The following TMC1 variants were observed in gnomAD, a reference collection of about 807,000 sequenced individuals.
TMC1 encodes transmembrane channel-like protein 1.
TMC1 carries 84 observed loss-of-function variants against 105.8 expected under a neutral mutation model. The observed-to-expected ratio is 0.79, with a 90% CI of 0.67 to 0.95. The LOEUF is 0.95. Among genes scored for constraint, TMC1 ranks in the 40% least tolerant of loss-of-function variants. TMC1 has a pLI of 0.00. For synonymous variants in TMC1, 315 were observed against 311.5 expected, an observed-to-expected ratio of 1.01 and a Z score of -0.12; for missense variants, 817 against 914.1, an observed-to-expected ratio of 0.89 and a Z score of 1.37.
chr9:72,598,858 C>T (rs1207777776), intron 2 of TMC1, among the ~76,000 whole-genome samples: 7 of 151,128 alleles, frequency 4.6e-5, no homozygotes, highest in Admixed American at 2.0e-4. Flanking sequence ...ATGTCAGAAC[C>T]GTCTGTTTCC....
intron 5 of TMC1, among the ~76,000 whole-genome samples, chr9:72,656,503 T>C (rs1825887069): frequency 6.6e-6 from 1 of 152,202 alleles, no homozygotes; most frequent in Admixed American, 6.5e-5. Context: ...TTAATCTTTC[T>C]CATTGTCTTA....
rs977856925 is a variant in TMC1, at chr9:72,739,114, G to A, written c.363-1005G>A. On this transcript the variant is annotated intron_variant, in intron 8 of 23. Transcript: ENST00000297784. ...GCCATTTATTTCTCACAGTGCTAGA[G>A]GCTGAAAGTCTAAAATCGAAGTGCC... 4.6e-5 allele frequency among the ~76,000 whole-genome samples: 7 copies of A among 152,348 alleles called. No individual in the cohort carries two copies. The East Asian group carries it at 1.4e-3, about 29-fold the overall frequency.
Position 72,570,230 on chromosome 9 carries a change from AGTGTGTGTGTGT to A in TMC1, c.-427-7648_-427-7637del, listed in dbSNP as rs3223165. Among the ~76,000 whole-genome samples the A allele has an allele frequency of 5.5e-3, 801 of 145,710 alleles. 8 individuals carry two copies. The highest frequency in any genetic ancestry group is 0.021 in the East Asian group (101 of 4,910). ...TGAAAGGGGGTGGGGCTCAAAGAGT[AGTGTGTGTGTGT>A]GTGTGTGTGTGTGTGTGTGTGTGGT... On this transcript the variant is annotated intron_variant, in intron 1 of 23. Transcript: ENST00000297784.
intron 5 of TMC1, among the ~76,000 whole-genome samples, chr9:72,654,047 C>T (rs1383659160): frequency 6.6e-6 from 1 of 152,074 alleles, no homozygotes; most frequent in Non-Finnish European, 1.5e-5. Context: ...AATGGACATT[C>T]CAGTTGTTTT....
chr9:72,555,202 T>G (rs1823910173), intron 1 of TMC1, among the ~76,000 whole-genome samples: 1 of 150,618 alleles, frequency 6.6e-6, no homozygotes, highest in Non-Finnish European at 1.5e-5. Context: ...TGTTTTTTTT[T>G]TTTTTTTTTT....
intron 2 of TMC1, among the ~76,000 whole-genome samples, chr9:72,606,432 T>C (rs2132115844): frequency 6.6e-6 from 1 of 152,294 alleles, no homozygotes; most frequent in Admixed American, 6.5e-5. Context: ...ACACTAACCC[T>C]GGTAAAACAT....
chr9:72,584,784 C>CTTTTTTTTTTTTTTTTTTT lies in TMC1; in HGVS notation c.-306+6779_-306+6780insTTTTTTTTTTTTTTTTTTT, dbSNP rs71357591. On this transcript the variant is annotated intron_variant, in intron 2 of 23. Coordinates refer to ENST00000297784, the MANE Select transcript of TMC1 (RefSeq NM_138691.3). Reference sequence around the variant, plus strand: ...GTAGTTCTCCTTTTTCTTTTCTTTTCTTTTTTTTTTTTTTTTTTGAGACAG... The same window carrying CTTTTTTTTTTTTTTTTTTT: ...GTAGTTCTCCTTTTTCTTTTCTTTTCTTTTTTTTTTTTTTTTTTTTTTTTTTTTTTTTTTTTTGAGACAG... 8.0e-5 allele frequency among the ~76,000 whole-genome samples: 9 copies of CTTTTTTTTTTTTTTTTTTT among 113,012 alleles called. 1 individual carries two copies. Among genetic ancestry groups the CTTTTTTTTTTTTTTTTTTT allele is most frequent in the African/African-American group, 1.4e-4 (4 of 28,386 alleles). 74.1% of individuals were successfully genotyped at this position (113,012 alleles called of 152,430 possible). A position where few individuals can be genotyped will look rare whatever the true frequency, so the allele number is the denominator to read the frequency against.
At chr9:72,687,487 A>G (rs745883655) in intron 5 of TMC1, among the ~76,000 whole-genome samples, 2 of 152,186 alleles carry the variant, frequency 1.3e-5, no homozygotes, top group Non-Finnish European at 2.9e-5. Context: ...TGTCCTGTGT[A>G]GTTTCAGTTG....
intron 4 of TMC1, among the ~76,000 whole-genome samples, chr9:72,634,527 T>C (rs1307019619): frequency 6.6e-6 from 1 of 152,198 alleles, no homozygotes; most frequent in Admixed American, 6.5e-5. Context: ...AAGGAGGGCA[T>C]TAGTTTCAGG....
intron 13 of TMC1, among the ~76,000 whole-genome samples, chr9:72,773,195 C>A (rs1827956863): frequency 6.6e-6 from 1 of 152,088 alleles, no homozygotes; most frequent in African/African-American, 2.4e-5. Context: ...ACTGCAGAAG[C>A]CTAGCAGAGT....
chr9:72,670,253 A>G (rs1168568775), intron 5 of TMC1, among the ~76,000 whole-genome samples: 2 of 152,172 alleles, frequency 1.3e-5, no homozygotes, highest in Admixed American at 1.3e-4. Flanking sequence ...TCCTCTTTCC[A>G]CCAGAAAGAG....
intron 8 of TMC1, among the ~76,000 whole-genome samples, chr9:72,723,521 G>A (rs376419968): frequency 7.9e-5 from 12 of 152,086 alleles, no homozygotes; most frequent in East Asian, 1.9e-4. Flanking sequence ...AACAATGTCC[G>A]TGACAGTTTT....
At chr9:72,568,459 G>A (rs988055367) in intron 1 of TMC1, among the ~76,000 whole-genome samples, 3 of 152,092 alleles carry the variant, frequency 2.0e-5, no homozygotes, top group Admixed American at 6.6e-5. Context: ...TTCTGTTAAC[G>A]TTACATTTAT....
At chr9:72,737,068 C>T (rs550301722) in intron 8 of TMC1, among the ~76,000 whole-genome samples, 1 of 152,136 alleles carries the variant, frequency 6.6e-6, no homozygotes, top group Non-Finnish European at 1.5e-5. Flanking sequence ...GGAGGAGAGT[C>T]GTTGTTGTCC....
chr9:72,757,744 G>GA (rs1373923273), intron 12 of TMC1, among the ~76,000 whole-genome samples: 1 of 152,156 alleles, frequency 6.6e-6, no homozygotes, highest in Middle Eastern at 3.2e-3. Context: ...ATCGGTGCTC[G>GA]AAACATTTCA....
chr9:72,804,476 G>A (rs1035611457), intron 17 of TMC1, among the ~76,000 whole-genome samples: 1 of 152,184 alleles, frequency 6.6e-6, no homozygotes, highest in Admixed American at 6.5e-5. Flanking sequence ...ATAGCATTTT[G>A]TTTTAGGGGC....
intron 19 of TMC1, among the ~76,000 whole-genome samples, chr9:72,817,576 G>A (rs1828807006): frequency 6.6e-6 from 1 of 152,170 alleles, no homozygotes; most frequent in Admixed American, 6.5e-5. Flanking sequence ...TACACAAAGT[G>A]TCATAAATCC....
Position 72,792,206 on chromosome 9 carries a change from C to T in TMC1, c.1420C>T (p.Leu474=), listed in dbSNP as rs756605797. 1.9e-6 allele frequency: 3 copies of T among 1,614,082 alleles called. No homozygotes were observed. The South Asian group carries it at 3.3e-5, about 18-fold the overall frequency. ...EINNKIEEEK[L]VKANITLWEA... is the part of the protein sequence containing the mutation. ...TGCTTTCTAGATTGAAGAGGAGAAGCTAGTAAAGGCCAATATTACCCTTTG... is the reference window on the plus strand; with the variant it reads ...TGCTTTCTAGATTGAAGAGGAGAAGTTAGTAAAGGCCAATATTACCCTTTG... Residue 474 remains leucine, a synonymous_variant, in exon 17 of 24, where the codon CTA becomes TTA. Coordinates refer to ENST00000297784, the MANE Select transcript of TMC1 (RefSeq NM_138691.3).
chr9:72,780,299 C>T (rs547896660), intron 13 of TMC1, among the ~76,000 whole-genome samples: 1 of 152,280 alleles, frequency 6.6e-6, no homozygotes, highest in African/African-American at 2.4e-5. Flanking sequence ...CCAACTACCA[C>T]AAAAACACAC....
Sources: allele counts gnomAD v4.1 joint callset (sites outside exome capture counted in the v4.1 genomes callset), GRCh38; gene constraint gnomAD v4.1.1; transcripts MANE v1.5; gene names NCBI Gene and HGNC (gene_info 2026-07-23, HGNC 2026-07-21).